The following RNF185 variants were observed in gnomAD, a reference collection of about 807,000 sequenced individuals.
RNF185 encodes E3 ubiquitin-protein ligase RNF185.
Under a neutral mutation model 24.9 loss-of-function variants are expected in RNF185, and 13 were observed. That is an observed-to-expected ratio of 0.52 (90% confidence interval 0.34 to 0.83). RNF185 has a LOEUF of 0.83. RNF185 is among the 40% of genes least tolerant of loss of function. RNF185 has a pLI of 0.01. For synonymous variants in RNF185, 79 were observed against 90.3 expected, an observed-to-expected ratio of 0.88 and a Z score of 0.71; for missense variants, 184 against 244.7, an observed-to-expected ratio of 0.75 and a Z score of 1.65.
At chr22:31,170,530 A>G (rs2047918986) in intron 1 of RNF185, among the ~76,000 whole-genome samples, 1 of 151,252 alleles carries the variant, frequency 6.6e-6, no homozygotes, top group Non-Finnish European at 1.5e-5. Context: ...TTATTTATTG[A>G]GACAGAGTCT....
Position 31,186,948 on chromosome 22 carries a change from A to G in RNF185, c.-48-99A>G, listed in dbSNP as rs2048104948. 3.5e-6 allele frequency: 3 copies of G among 859,976 alleles called. No individual in the cohort carries two copies. In the East Asian group the frequency reaches 7.5e-5, roughly 22 times the overall value. The allele number at this position is 859,976 out of a possible 1,614,324, so 53.3% of individuals were successfully genotyped here. On this transcript the variant is annotated intron_variant, in intron 1 of 6. Coordinates refer to ENST00000326132, the MANE Select transcript of RNF185 (RefSeq NM_152267.4). ...GGGAAGTCTGCTCAGGGATTCAGTC[A>G]TAATCAGCTCTGGAGCCTAGAGAAG...
chr22:31,172,149 T>C (rs1426437482), intron 1 of RNF185, among the ~76,000 whole-genome samples: 1 of 152,146 alleles, frequency 6.6e-6, no homozygotes, highest in Non-Finnish European at 1.5e-5. Flanking sequence ...TAATGACATT[T>C]TATAGAATAT....
At chr22:31,164,973 C>T (rs935481874) in intron 1 of RNF185, among the ~76,000 whole-genome samples, 2 of 151,810 alleles carry the variant, frequency 1.3e-5, no homozygotes, top group African/African-American at 4.8e-5. Flanking sequence ...TGCAGTGGCG[C>T]AATCTTGGCT....
chr22:31,175,614 T>A lies in RNF185; in HGVS notation c.-48-11433T>A, dbSNP rs1006335728. ...CTCAAAGTTACAAATATAAATACTTTGACCCTGCAGTTCTACTTCTAGGGT... is the reference window on the plus strand; with the variant it reads ...CTCAAAGTTACAAATATAAATACTTAGACCCTGCAGTTCTACTTCTAGGGT... On this transcript the variant is annotated intron_variant, in intron 1 of 6. Transcript: ENST00000326132. Among the ~76,000 whole-genome samples the A allele has an allele frequency of 2.0e-5, 3 of 152,140 alleles. No individual in the cohort carries two copies. The East Asian group carries it at 5.8e-4, about 29-fold the overall frequency.
chr22:31,170,916 C>T (rs1395266047), intron 1 of RNF185, among the ~76,000 whole-genome samples: 1 of 152,116 alleles, frequency 6.6e-6, no homozygotes, highest in African/African-American at 2.4e-5. Context: ...CCTGCCTCAG[C>T]CTCCTGAGTA....
intron 1 of RNF185, among the ~76,000 whole-genome samples, chr22:31,165,755 C>G (rs548097322): frequency 3.3e-5 from 5 of 152,286 alleles, no homozygotes; most frequent in African/African-American, 1.2e-4. Context: ...TAAGACTAGT[C>G]AGGGAGCCTT....
intron 1 of RNF185, among the ~76,000 whole-genome samples, chr22:31,177,374 A>G (rs747087456): frequency 1.3e-5 from 2 of 152,080 alleles, no homozygotes; most frequent in Non-Finnish European, 2.9e-5. Context: ...TGCAGCCCCA[A>G]TGAAAAGAAG....
At chr22:31,198,328 G>A (rs150868935) in intron 5 of RNF185, among the ~76,000 whole-genome samples, 13 of 150,806 alleles carry the variant, frequency 8.6e-5, no homozygotes, top group African/African-American at 2.2e-4. Flanking sequence ...TTTCCTCATC[G>A]AAGGACCTTT....
At chr22:31,178,173 T>TG (rs1483154148) in intron 1 of RNF185, among the ~76,000 whole-genome samples, 1 of 152,202 alleles carries the variant, frequency 6.6e-6, no homozygotes, top group Non-Finnish European at 1.5e-5. Flanking sequence ...AAACTAGGTG[T>TG]GAACTTATTT....
intron 4 of RNF185, among the ~76,000 whole-genome samples, chr22:31,196,547 A>G (rs1417338258): frequency 2.0e-5 from 3 of 152,162 alleles, no homozygotes; most frequent in Non-Finnish European, 4.4e-5. Context: ...CAGAGAAACC[A>G]TGAACCTCAG....
In RNF185 at chr22:31,206,235, AC is replaced by A. The variant is rs1213914552; in HGVS notation, c.*1651del. On this transcript the variant is annotated 3_prime_UTR_variant, in exon 7 of 7. Transcript: ENST00000326132. ...TCTCTTCTCCTTTGTACCTGTCAAC[AC>A]CAGAGTTCAGTGTTTAAACAGACAA... 6.6e-5 allele frequency: 10 copies of A among 152,586 alleles called. No homozygotes were observed. The allele number at this position is 152,586 out of a possible 1,614,324, so 9.5% of individuals were successfully genotyped here. A position where few individuals can be genotyped will look rare whatever the true frequency, so the allele number is the denominator to read the frequency against.
intron 5 of RNF185, among the ~76,000 whole-genome samples, chr22:31,200,183 C>T (rs1472526997): frequency 6.6e-6 from 1 of 151,772 alleles, no homozygotes; most frequent in African/African-American, 2.4e-5. Flanking sequence ...AAAGTGAGAC[C>T]CTATCTGTAC....
intron 2 of RNF185, among the ~76,000 whole-genome samples, chr22:31,188,472 G>T (rs932621754): frequency 1.3e-5 from 2 of 152,028 alleles, no homozygotes; most frequent in African/African-American, 4.8e-5. Context: ...TTCAAAGACA[G>T]GATACCCCTG....
chr22:31,206,938 C>T lies in RNF185; in HGVS notation c.*2352C>T. On this transcript the variant is annotated 3_prime_UTR_variant, in exon 7 of 7. Coordinates refer to ENST00000326132, the MANE Select transcript of RNF185 (RefSeq NM_152267.4). ...CAGAAAATGATGATATGTACAGTGG[C>T]ACACCTTAACCAGTCACTAATTTTC... is the stretch of plus-strand genomic sequence containing the variant. The T allele has an allele frequency of 6.6e-6, 1 of 152,248 alleles. No homozygotes were observed. The highest frequency in any genetic ancestry group is 1.5e-5 in the Non-Finnish European group (1 of 68,056). 9.4% of individuals were successfully genotyped at this position (152,248 alleles called of 1,614,324 possible).
At chr22:31,178,624 ATTC>A in intron 1 of RNF185, among the ~76,000 whole-genome samples, 1 of 152,294 alleles carries the variant, frequency 6.6e-6, no homozygotes, top group Non-Finnish European at 1.5e-5. Flanking sequence ...CTTGTTTAGA[ATTC>A]TTAAAATTAA....
At position 31,206,438 on chromosome 22, in the gene RNF185, C is replaced by T. The variant is rs182104471; in HGVS notation, c.*1852C>T. 1.3e-5 allele frequency: 2 copies of T among 152,450 alleles called. No individual in the cohort carries two copies. The highest frequency in any genetic ancestry group is 4.8e-5 in the African/African-American group (2 of 41,554). 9.4% of individuals were successfully genotyped at this position (152,450 alleles called of 1,614,324 possible). ...CAGGGGCCTCTGGAGTGTCTCTTCT[C>T]TAGAGAGAATTGGTGGGACCCCCCT... On this transcript the variant is annotated 3_prime_UTR_variant, in exon 7 of 7. Transcript: ENST00000326132.
chr22:31,198,289 A>C (rs1420588917), intron 5 of RNF185, among the ~76,000 whole-genome samples: 1 of 151,262 alleles, frequency 6.6e-6, no homozygotes, highest in Non-Finnish European at 1.5e-5. Context: ...CTGGGAACCC[A>C]TTGAGTTTTG....
At chr22:31,193,897 ATTT>A (rs113727137) in intron 3 of RNF185, among the ~76,000 whole-genome samples, 1 of 143,544 alleles carries the variant, frequency 7.0e-6, no homozygotes, top group African/African-American at 2.6e-5. Context: ...AAGAAAATTA[ATTT>A]TTTTTTTTTT....
At chr22:31,182,620 G>A (rs866554421) in intron 1 of RNF185, among the ~76,000 whole-genome samples, 8 of 151,864 alleles carry the variant, frequency 5.3e-5, no homozygotes, top group East Asian at 2.0e-4. Flanking sequence ...CCTTCATATC[G>A]AGTAATACCT....
Sources: gnomAD v4.1 joint callset for allele counts (sites outside exome capture counted in the v4.1 genomes callset) on GRCh38, gnomAD v4.1.1 for gene constraint, MANE v1.5 for transcripts, NCBI Gene and HGNC (gene_info 2026-07-23, HGNC 2026-07-21) for gene names.